Variants in LSM3 observed in about 807,000 individuals in gnomAD.
LSM3 encodes the protein LSM3 homolog, U6 small nuclear RNA and mRNA degradation associated.
In LSM3, 14 loss-of-function variants were observed where a neutral mutation model predicts 15.4. The ratio of observed to expected loss-of-function variants is 0.91; its 90% confidence interval spans 0.60 to 1.42. The LOEUF (loss-of-function observed/expected upper bound fraction) is 1.42, where lower values mean the gene tolerates loss of function less well. Among genes scored for constraint, LSM3 ranks in the 40% most tolerant of loss-of-function variants. The pLI is 0.00. For missense variants in LSM3, 88 were observed against 127.9 expected (o/e 0.69, Z 1.50); for synonymous variants, 46 against 45.1 (o/e 1.02, Z -0.08).
At chr3:14,197,247 A>G in intron 3 of LSM3, among the ~76,000 whole-genome samples, 1 of 152,198 alleles carries the variant, frequency 6.6e-6, no homozygotes, top group African/African-American at 2.4e-5. Flanking sequence ...TGTTTCTTCT[A>G]CTGCCCTGCT....
intron 2 of LSM3, among the ~76,000 whole-genome samples, chr3:14,182,448 T>A (rs1166641681): frequency 6.6e-6 from 1 of 152,226 alleles, no homozygotes; most frequent in East Asian, 1.9e-4. Context: ...TGATCGATTT[T>A]TTTTCATTTC....
intron 3 of LSM3, among the ~76,000 whole-genome samples, chr3:14,196,323 T>C (rs1013503356): frequency 6.6e-6 from 1 of 152,182 alleles, no homozygotes; most frequent in Non-Finnish European, 1.5e-5. Flanking sequence ...AGAATCCTAC[T>C]TCCCAGACAG....
At chr3:14,182,492 T>G (rs999288851) in intron 2 of LSM3, among the ~76,000 whole-genome samples, 11 of 152,130 alleles carry the variant, frequency 7.2e-5, no homozygotes, top group African/African-American at 2.7e-4. Context: ...GCAGTAAGCA[T>G]TTTTTTACAT....
chr3:14,181,839 ATT>A lies in LSM3; in HGVS notation c.132+174_132+175del, dbSNP rs564904166. ...AGCGGCATGTATTCACATTTTTAAC[ATT>A]TTTTCTTTTAATAGAAATACGTTTA... On this transcript the variant is annotated intron_variant, in intron 2 of 3. Coordinates refer to ENST00000306024, the MANE Select transcript of LSM3 (RefSeq NM_014463.3). 3.3e-5 allele frequency among the ~76,000 whole-genome samples: 5 copies of A among 152,084 alleles called. No homozygotes were observed. In the East Asian group the frequency reaches 9.6e-4, roughly 29 times the overall value.
intron 3 of LSM3, among the ~76,000 whole-genome samples, chr3:14,190,655 C>T (rs182177070): frequency 3.4e-4 from 51 of 152,218 alleles, no homozygotes; most frequent in African/African-American, 1.1e-3. Flanking sequence ...CCTGAGACTT[C>T]GCTGAAGTTG....
intron 3 of LSM3, among the ~76,000 whole-genome samples, chr3:14,190,904 TATG>T (rs1274606859): frequency 6.6e-6 from 1 of 152,230 alleles, no homozygotes; most frequent in African/African-American, 2.4e-5. Flanking sequence ...GCCCATTCAG[TATG>T]ATATTGGCTG....
intron 3 of LSM3, among the ~76,000 whole-genome samples, chr3:14,194,568 A>G (rs1697170805): frequency 6.6e-6 from 1 of 152,044 alleles, no homozygotes; most frequent in African/African-American, 2.4e-5. Flanking sequence ...GGCACTCTAA[A>G]TGTTTGTATG....
chr3:14,196,460 G>A (rs1184692124), intron 3 of LSM3, among the ~76,000 whole-genome samples: 1 of 152,122 alleles, frequency 6.6e-6, no homozygotes, highest in African/African-American at 2.4e-5. Context: ...CCCCAAAGAA[G>A]ATGAATAATT....
intron 1 of LSM3, 126 bp from the exon 2 acceptor site, chr3:14,181,434 T>G (rs746345572): frequency 1.5e-6 from 1 of 674,460 alleles, no homozygotes; most frequent in Non-Finnish European, 2.7e-6. Context: ...ATTATCTCCA[T>G]TTTACAGATT....
rs189434600 is a variant in LSM3 at position 14,192,753 on chromosome 3, T to C, written c.229-5283T>C. ...CAGTTTGCCAGTCTGTTTCTTTTAA[T>C]TGGGGGCATTTAGCCCGTTTACATT... is the stretch of plus-strand genomic sequence containing the variant. On this transcript the variant is annotated intron_variant, in intron 3 of 3. Transcript: ENST00000306024. 4.6e-5 allele frequency among the ~76,000 whole-genome samples: 7 copies of C among 152,364 alleles called. No homozygotes were observed. The East Asian group carries it at 5.8e-4, about 13-fold the overall frequency.
At position 14,200,625 on chromosome 3, in the gene LSM3, C is replaced by CT. The variant is rs1165941204; in HGVS notation, c.*2509_*2510insT. The CT allele has an allele frequency of 6.6e-6, 1 of 152,144 alleles. No homozygotes were observed. The highest frequency in any genetic ancestry group is 1.5e-5 in the Non-Finnish European group (1 of 68,038). 9.4% of individuals were successfully genotyped at this position (152,144 alleles called of 1,614,324 possible). A position where few individuals can be genotyped will look rare whatever the true frequency, so the allele number is the denominator to read the frequency against. On this transcript the variant is annotated 3_prime_UTR_variant, in exon 4 of 4. Coordinates refer to ENST00000306024, the MANE Select transcript of LSM3 (RefSeq NM_014463.3). ...GCCGATATGAATTGCCATTGCCTCC[C>CT]ACAAAGAAAAATGGACAAAATATGG... is the stretch of plus-strand genomic sequence containing the variant.
At chr3:14,180,579 C>T (rs1021030487) in intron 1 of LSM3, among the ~76,000 whole-genome samples, 1 of 152,112 alleles carries the variant, frequency 6.6e-6, no homozygotes, top group Non-Finnish European at 1.5e-5. Flanking sequence ...TGAGCCACCA[C>T]GCCCGGCCAA....
Position 14,184,048 on chromosome 3 carries a change from C to T in LSM3, c.228+16C>T, listed in dbSNP as rs1383956143. On this transcript the variant is annotated intron_variant, in intron 3 of 3. Transcript: ENST00000306024. The stretch of plus-strand genomic sequence containing the variant: ...GATATATAAAGTAAGTCATGCAATT[C>T]TATTCATTGCTTTGCAAATATCAGC... 1 of 1,594,440 alleles carries T rather than the reference C, an allele frequency of 6.3e-7. No individual in the cohort carries two copies. The highest frequency in any genetic ancestry group is 8.5e-7 in the Non-Finnish European group (1 of 1,173,650).
rs561821888 is a variant in LSM3, at chr3:14,199,956, C to T, written c.*1840C>T. 6.6e-6 allele frequency: 1 copy of T among 152,366 alleles called. No homozygotes were observed. The highest frequency in any genetic ancestry group is 2.4e-5 in the African/African-American group (1 of 41,572). The allele number at this position is 152,366 out of a possible 1,614,324, so 9.4% of individuals were successfully genotyped here. A position where few individuals can be genotyped will look rare whatever the true frequency, so the allele number is the denominator to read the frequency against. ...GGCCATCTGGCCTCGCTCTGCCAGT[C>T]TGCAGTTCTCCCCAGCACTGCATTC... On this transcript the variant is annotated 3_prime_UTR_variant, in exon 4 of 4. Transcript: ENST00000306024.
At chr3:14,188,509 C>G (rs1697110971) in intron 3 of LSM3, among the ~76,000 whole-genome samples, 2 of 152,210 alleles carry the variant, frequency 1.3e-5, no homozygotes, top group South Asian at 2.1e-4. Context: ...CCACTCCAGC[C>G]TCTGTTCATC....
intron 3 of LSM3, among the ~76,000 whole-genome samples, chr3:14,192,117 C>A (rs553856154): frequency 5.3e-5 from 8 of 152,294 alleles, no homozygotes; most frequent in South Asian, 2.1e-4. Context: ...ATCCTGAGTT[C>A]TAATTTGATT....
intron 3 of LSM3, 21 bp downstream of exon 3, chr3:14,184,053 C>G: frequency 6.3e-7 from 1 of 1,592,562 alleles, no homozygotes; most frequent in Non-Finnish European, 8.5e-7. Context: ...CAATTCTATT[C>G]ATTGCTTTGC....
chr3:14,185,121 C>T (rs1359551277), intron 3 of LSM3, among the ~76,000 whole-genome samples: 2 of 151,878 alleles, frequency 1.3e-5, no homozygotes, highest in African/African-American at 2.4e-5. Context: ...GAGGCCAAAG[C>T]GGGTGGATCA....
At chr3:14,197,097 C>T (rs1210823091) in intron 3 of LSM3, among the ~76,000 whole-genome samples, 1 of 152,230 alleles carries the variant, frequency 6.6e-6, no homozygotes, top group Non-Finnish European at 1.5e-5. Context: ...GGAAATTTTG[C>T]TGGGCCTTGT....
Sources: allele counts gnomAD v4.1 joint callset (sites outside exome capture counted in the v4.1 genomes callset), GRCh38; gene constraint gnomAD v4.1.1; transcripts MANE v1.5; gene names NCBI Gene and HGNC (gene_info 2026-07-23, HGNC 2026-07-21).